The following EIF4EBP2 variants were observed in gnomAD, a reference collection of about 807,000 sequenced individuals.
EIF4EBP2 encodes eukaryotic translation initiation factor 4E-binding protein 2.
Under a neutral mutation model 10.3 loss-of-function variants are expected in EIF4EBP2, and 5 were observed. That is an observed-to-expected ratio of 0.48 (90% CI 0.25 to 1.02). The LOEUF is 1.02. Among genes scored for constraint, EIF4EBP2 ranks in the 50% least tolerant of loss-of-function variants. The probability of loss-of-function intolerance (pLI) is 0.15; values close to 1 mark genes in which losing one functional copy is unlikely to be tolerated. For synonymous variants in EIF4EBP2, 67 were observed against 61.1 expected (o/e 1.10, Z -0.45); for missense variants, 188 against 162.2 (o/e 1.16, Z -0.86).
chr10:70,405,297 G>GGTT (rs1054571444), intron 1 of EIF4EBP2, among the ~76,000 whole-genome samples: 43 of 152,324 alleles, frequency 2.8e-4, no homozygotes, highest in African/African-American at 9.1e-4. Flanking sequence ...TGGGTGGGGT[G>GGTT]GTTGCTTGAT....
chr10:70,424,468 C>T lies in EIF4EBP2; in HGVS notation c.*2721C>T, dbSNP rs998364639. The T allele has an allele frequency of 3.3e-5, 5 of 152,146 alleles. No homozygotes were observed. The highest frequency in any genetic ancestry group is 1.2e-4 in the African/African-American group (5 of 41,414). The allele number at this position is 152,146 out of a possible 1,614,324, so 9.4% of individuals were successfully genotyped here. ...TGAGATAAACTTTCAATAGATGATA[C>T]CTTTGTGTCATGCCTCATGGAATTA... On this transcript the variant is annotated 3_prime_UTR_variant, in exon 3 of 3. Coordinates refer to ENST00000373218, the MANE Select transcript of EIF4EBP2 (RefSeq NM_004096.5).
chr10:70,407,678 C>T (rs1430601645), intron 1 of EIF4EBP2, among the ~76,000 whole-genome samples: 1 of 151,310 alleles, frequency 6.6e-6, no homozygotes, highest in Non-Finnish European at 1.5e-5. Context: ...TCCTCACTTC[C>T]CAGTAGGAGC....
In EIF4EBP2 at chr10:70,427,086, G is replaced by A. The variant is rs1048337064; in HGVS notation, c.*5339G>A. 5 of 152,184 alleles carry A rather than the reference G, an allele frequency of 3.3e-5. No homozygotes were observed. Among genetic ancestry groups the A allele is most frequent in the African/African-American group, 1.2e-4 (5 of 41,440 alleles). 9.4% of individuals were successfully genotyped at this position (152,184 alleles called of 1,614,324 possible). On this transcript the variant is annotated 3_prime_UTR_variant, in exon 3 of 3. Coordinates refer to ENST00000373218, the MANE Select transcript of EIF4EBP2 (RefSeq NM_004096.5). ...GCTCTTAGCCCTTTGCATTCCCCTT[G>A]AGCGAGGAAGCCACACTGCCTTTCT...
chr10:70,420,486 C>T (rs1348523032), intron 2 of EIF4EBP2, among the ~76,000 whole-genome samples: 1 of 152,128 alleles, frequency 6.6e-6, no homozygotes, highest in Non-Finnish European at 1.5e-5. Context: ...CAGGTGTGAG[C>T]CACTGTGCCT....
At chr10:70,417,439 C>G (rs981431960) in intron 1 of EIF4EBP2, among the ~76,000 whole-genome samples, 1 of 151,706 alleles carries the variant, frequency 6.6e-6, no homozygotes, top group African/African-American at 2.4e-5. Flanking sequence ...TACAGTCCTG[C>G]GAATCAACTA....
intron 1 of EIF4EBP2, among the ~76,000 whole-genome samples, chr10:70,418,837 G>A (rs1053651546): frequency 1.3e-5 from 2 of 152,170 alleles, no homozygotes; most frequent in Non-Finnish European, 2.9e-5. Context: ...ACATTTTGAG[G>A]CAGGATCTTG....
rs1190966899 is a variant in EIF4EBP2, at chr10:70,427,859, G to A, written c.*6112G>A. ...AAATTTCCAAAGGGAGCTCTTGCCG[G>A]TGCTTAAAACCAAAACTCCTGGACA... On this transcript the variant is annotated 3_prime_UTR_variant, in exon 3 of 3. Coordinates refer to ENST00000373218, the MANE Select transcript of EIF4EBP2 (RefSeq NM_004096.5). 1 of 152,122 alleles carries A rather than the reference G, an allele frequency of 6.6e-6. No homozygotes were observed. The highest frequency in any genetic ancestry group is 1.9e-4 in the East Asian group (1 of 5,202). The allele number at this position is 152,122 out of a possible 1,614,324, so 9.4% of individuals were successfully genotyped here. A position where few individuals can be genotyped will look rare whatever the true frequency, so the allele number is the denominator to read the frequency against.
intron 1 of EIF4EBP2, among the ~76,000 whole-genome samples, chr10:70,407,919 A>G (rs1844995052): frequency 1.6e-5 from 2 of 123,458 alleles, no homozygotes; most frequent in African/African-American, 6.5e-5. Flanking sequence ...CTCACTTCCC[A>G]GTAGGAGCGG....
chr10:70,411,833 A>C (rs763140352), intron 1 of EIF4EBP2, among the ~76,000 whole-genome samples: 5 of 152,116 alleles, frequency 3.3e-5, no homozygotes, highest in South Asian at 4.1e-4. Flanking sequence ...CCTTCTCCCA[A>C]TGTATATACT....
intron 1 of EIF4EBP2, among the ~76,000 whole-genome samples, chr10:70,412,958 G>A (rs1247661091): frequency 1.3e-5 from 2 of 152,146 alleles, no homozygotes; most frequent in East Asian, 3.8e-4. Context: ...GTAAAAGAGG[G>A]TAAAATGCCA....
intron 2 of EIF4EBP2, among the ~76,000 whole-genome samples, chr10:70,420,690 T>A (rs1845146891): frequency 6.6e-6 from 1 of 152,242 alleles, no homozygotes; most frequent in South Asian, 2.1e-4. Context: ...CCTTAAGGAC[T>A]TCCTGGCCTA....
intron 1 of EIF4EBP2, among the ~76,000 whole-genome samples, chr10:70,408,278 C>T (rs1044169471): frequency 2.0e-5 from 3 of 151,422 alleles, no homozygotes; most frequent in South Asian, 4.2e-4. Context: ...CCAGTAGGGG[C>T]GGCCGGGCAG....
Position 70,423,143 on chromosome 10 carries a change from T to G in EIF4EBP2, c.*1396T>G, listed in dbSNP as rs757787447. ...ATGACTACAGACCTATTTTTAGATA[T>G]GTTTTCAGTACAATTTTGAACAGCA... On this transcript the variant is annotated 3_prime_UTR_variant, in exon 3 of 3. Coordinates refer to ENST00000373218, the MANE Select transcript of EIF4EBP2 (RefSeq NM_004096.5). 6.5e-6 allele frequency: 1 copy of G among 152,684 alleles called. No homozygotes were observed. Among genetic ancestry groups the G allele is most frequent in the African/African-American group, 2.4e-5 (1 of 41,456 alleles). 9.5% of individuals were successfully genotyped at this position (152,684 alleles called of 1,614,324 possible).
chr10:70,418,104 T>G (rs1284014778), intron 1 of EIF4EBP2, among the ~76,000 whole-genome samples: 1 of 152,190 alleles, frequency 6.6e-6, no homozygotes, highest in African/African-American at 2.4e-5. Context: ...GGGAGTTAAT[T>G]AGGCTGAGTT....
chr10:70,406,203 G>T (rs1420124567), intron 1 of EIF4EBP2, among the ~76,000 whole-genome samples: 1 of 152,052 alleles, frequency 6.6e-6, no homozygotes, highest in Non-Finnish European at 1.5e-5. Context: ...GCTCGTCCTG[G>T]GCTCAAGTTA....
intron 1 of EIF4EBP2, among the ~76,000 whole-genome samples, chr10:70,415,027 A>G (rs1845079146): frequency 6.6e-6 from 1 of 151,754 alleles, no homozygotes; most frequent in Non-Finnish European, 1.5e-5. Flanking sequence ...TCTGGGTGAC[A>G]TGTGCCTGTA....
rs190274328 is a variant in EIF4EBP2 at position 70,421,031 on chromosome 10, G to A, written c.332-685G>A. 1.2e-3 allele frequency among the ~76,000 whole-genome samples: 175 copies of A among 151,922 alleles called. No individual in the cohort carries two copies. In the East Asian group the frequency reaches 0.03, roughly 26 times the overall value. ...AGGATGGTCTCGATCTCCTGACCTC[G>A]TGATCCGCCCGCCTCAGCCTCCCAA... On this transcript the variant is annotated intron_variant, in intron 2 of 2. Transcript: ENST00000373218.
Position 70,425,033 on chromosome 10 carries a change from G to C in EIF4EBP2, c.*3286G>C, listed in dbSNP as rs1845192446. ...GGAGTAGTTTAACATGATGGTTCTG[G>C]CCCATGGTATCATGAAGTTACAGTC... is the stretch of plus-strand genomic sequence containing the variant. On this transcript the variant is annotated 3_prime_UTR_variant, in exon 3 of 3. Coordinates refer to ENST00000373218, the MANE Select transcript of EIF4EBP2 (RefSeq NM_004096.5). 6.6e-6 allele frequency: 1 copy of C among 152,224 alleles called. No individual in the cohort carries two copies. Among genetic ancestry groups the C allele is most frequent in the Admixed American group, 6.5e-5 (1 of 15,280 alleles). The allele number at this position is 152,224 out of a possible 1,614,324, so 9.4% of individuals were successfully genotyped here.
intron 1 of EIF4EBP2, among the ~76,000 whole-genome samples, chr10:70,415,193 C>T (rs942871834): frequency 6.6e-6 from 1 of 151,150 alleles, no homozygotes; most frequent in Non-Finnish European, 1.5e-5. Context: ...AGAAAGCAAT[C>T]CCATTTACAA....
Sources: gnomAD v4.1 joint callset for allele counts (sites outside exome capture counted in the v4.1 genomes callset) on GRCh38, gnomAD v4.1.1 for gene constraint, MANE v1.5 for transcripts, NCBI Gene and HGNC (gene_info 2026-07-23, HGNC 2026-07-21) for gene names.